LRRC4C: variants seen among roughly 807,000 people sequenced by gnomAD.
The protein encoded by LRRC4C is leucine rich repeat containing 4C, also known as leucine-rich repeat-containing protein 4C.
LRRC4C carries 5 observed loss-of-function variants against 33.6 expected under a neutral mutation model. The observed-to-expected ratio is 0.15, with a 90% CI of 0.08 to 0.31. The LOEUF is 0.31. Ranked by LOEUF, LRRC4C falls within the 10% of genes least tolerant of loss-of-function variation. The probability of loss-of-function intolerance (pLI) is 1.00; values close to 1 mark genes in which losing one functional copy is unlikely to be tolerated. For missense variants in LRRC4C, 560 were observed against 796.7 expected (o/e 0.70, Z 3.58); for synonymous variants, 329 against 302.0 (o/e 1.09, Z -0.93).
At chr11:40,748,052 G>A (rs1395332342) in intron 2 of LRRC4C, among the ~76,000 whole-genome samples, 1 of 152,230 alleles carries the variant, frequency 6.6e-6, no homozygotes, top group Admixed American at 6.5e-5. Context: ...ATTACAGGAG[G>A]CTCTGTGATC....
chr11:41,355,423 GGTA>G (rs1265634980), intron 1 of LRRC4C, among the ~76,000 whole-genome samples: 1 of 152,010 alleles, frequency 6.6e-6, no homozygotes, highest in Non-Finnish European at 1.5e-5. Context: ...AAAATGCAAA[GGTA>G]GTAGTTTCCC....
intron 1 of LRRC4C, among the ~76,000 whole-genome samples, chr11:40,972,985 A>G (rs1049992434): frequency 6.6e-6 from 1 of 152,226 alleles, no homozygotes; most frequent in Non-Finnish European, 1.5e-5. Context: ...TGGTGCTATC[A>G]TTGCCAGTGA....
chr11:40,684,372 A>G (rs1381371169), intron 2 of LRRC4C, among the ~76,000 whole-genome samples: 1 of 152,040 alleles, frequency 6.6e-6, no homozygotes, highest in Non-Finnish European at 1.5e-5. Flanking sequence ...TTTGAATTAG[A>G]CCCTACTGAA....
chr11:40,803,408 T>A (rs1951117847), intron 2 of LRRC4C, among the ~76,000 whole-genome samples: 1 of 152,132 alleles, frequency 6.6e-6, no homozygotes, highest in Non-Finnish European at 1.5e-5. Context: ...ATGGCTTAGA[T>A]CAGTTGTGAT....
intron 1 of LRRC4C, among the ~76,000 whole-genome samples, chr11:41,017,515 A>G (rs1231294984): frequency 6.6e-6 from 1 of 152,144 alleles, no homozygotes; most frequent in East Asian, 1.9e-4. Context: ...TTGTTCATTA[A>G]TTGAACAATT....
At chr11:41,271,708 G>C (rs1949327057) in intron 1 of LRRC4C, among the ~76,000 whole-genome samples, 1 of 152,058 alleles carries the variant, frequency 6.6e-6, no homozygotes, top group African/African-American at 2.4e-5. Flanking sequence ...GAATGTATGT[G>C]TCATGAGACC....
chr11:40,583,482 T>C (rs1431182142), intron 3 of LRRC4C, among the ~76,000 whole-genome samples: 1 of 152,222 alleles, frequency 6.6e-6, no homozygotes, highest in Non-Finnish European at 1.5e-5. Context: ...TTACATGGGA[T>C]GCCTTGCTTG....
rs1483875795 is a variant in LRRC4C at position 40,784,943 on chromosome 11, CTGTT to C, written c.-406-136669_-406-136666del. ...ATAGAAAGGGAGGAAGAAAATGTGA[CTGTT>C]TGGGACTTTTTCAAAAGGAGAGTTA... On this transcript the variant is annotated intron_variant, in intron 2 of 6. Transcript: ENST00000528697. Among the ~76,000 whole-genome samples, 6 of 152,188 alleles carry C rather than the reference CTGTT, an allele frequency of 3.9e-5. No individual in the cohort carries two copies. The East Asian group carries it at 7.7e-4, about 20-fold the overall frequency.
intron 5 of LRRC4C, among the ~76,000 whole-genome samples, chr11:40,228,394 T>C (rs1423984147): frequency 6.6e-6 from 1 of 151,942 alleles, no homozygotes; most frequent in Non-Finnish European, 1.5e-5. Flanking sequence ...CCAAGAAAAC[T>C]ACAAGATGCA....
chr11:40,928,218 G>C (rs1005823920), intron 2 of LRRC4C, among the ~76,000 whole-genome samples: 3 of 151,040 alleles, frequency 2.0e-5, no homozygotes, highest in African/African-American at 4.9e-5. Flanking sequence ...CTAACCTAAC[G>C]TTTCTTTCAG....
At chr11:40,943,943 G>A (rs1958269938) in intron 1 of LRRC4C, among the ~76,000 whole-genome samples, 1 of 152,042 alleles carries the variant, frequency 6.6e-6, no homozygotes, top group Admixed American at 6.6e-5. Flanking sequence ...TCCATGTTCT[G>A]GCCCATTTCT....
chr11:40,477,889 C>T (rs1038269070), intron 3 of LRRC4C, among the ~76,000 whole-genome samples: 2 of 152,012 alleles, frequency 1.3e-5, no homozygotes, highest in South Asian at 4.1e-4. Context: ...TGGGAGGGAC[C>T]CAGTGAGAGA....
At chr11:41,420,639 A>G (rs538946275) in intron 1 of LRRC4C, among the ~76,000 whole-genome samples, 131 of 152,160 alleles carry the variant, frequency 8.6e-4, no homozygotes, top group African/African-American at 2.9e-3. Flanking sequence ...ACCATTATTC[A>G]GTGAGAGAAG....
intron 4 of LRRC4C, among the ~76,000 whole-genome samples, chr11:40,294,454 A>T (rs1176319187): frequency 6.6e-6 from 1 of 152,052 alleles, no homozygotes; most frequent in East Asian, 1.9e-4. Flanking sequence ...ATCACCAAAC[A>T]CACAAAGCTG....
At chr11:41,295,534 T>C (rs76459395) in intron 1 of LRRC4C, among the ~76,000 whole-genome samples, 5 of 152,146 alleles carry the variant, frequency 3.3e-5, no homozygotes, top group South Asian at 4.1e-4. Context: ...TTTGTAATTA[T>C]GAAAAACTAG....
At chr11:40,319,940 A>G (rs1450261770) in intron 3 of LRRC4C, among the ~76,000 whole-genome samples, 1 of 152,044 alleles carries the variant, frequency 6.6e-6, no homozygotes, top group African/African-American at 2.4e-5. Context: ...TATGTATTAT[A>G]TATATACAAC....
At chr11:41,065,058 C>G (rs187457832) in intron 1 of LRRC4C, among the ~76,000 whole-genome samples, 3 of 152,054 alleles carry the variant, frequency 2.0e-5, no homozygotes, top group Non-Finnish European at 4.4e-5. Flanking sequence ...GACAGGAGAA[C>G]GGTAGACTCC....
At chr11:41,347,582 C>T (rs1272831410) in intron 1 of LRRC4C, among the ~76,000 whole-genome samples, 1 of 152,024 alleles carries the variant, frequency 6.6e-6, no homozygotes, top group Non-Finnish European at 1.5e-5. Context: ...TGGATGGAAT[C>T]GATTTCTATC....
chr11:41,105,486 A>T (rs529084866), intron 1 of LRRC4C, among the ~76,000 whole-genome samples: 1 of 151,960 alleles, frequency 6.6e-6, no homozygotes, highest in South Asian at 2.1e-4. Context: ...CATCTCATTA[A>T]TTTTTGTGTC....
Sources: gnomAD v4.1 joint callset for allele counts (sites outside exome capture counted in the v4.1 genomes callset) on GRCh38, gnomAD v4.1.1 for gene constraint, MANE v1.5 for transcripts, NCBI Gene and HGNC (gene_info 2026-07-23, HGNC 2026-07-21) for gene names.